ANKRD33B: variants seen among roughly 807,000 people sequenced by gnomAD.
ANKRD33B encodes the protein ankyrin repeat domain 33B.
Under a neutral mutation model 21.5 loss-of-function variants are expected in ANKRD33B, and 6 were observed. That is an observed-to-expected ratio of 0.28 (90% CI 0.15 to 0.55). The LOEUF (loss-of-function observed/expected upper bound fraction) is 0.55, where lower values mean the gene tolerates loss of function less well. ANKRD33B is among the 20% of genes least tolerant of loss of function. The pLI, the probability that ANKRD33B is intolerant of heterozygous loss-of-function variation, is 0.94. For missense variants in ANKRD33B, 698 were observed against 747.2 expected, an observed-to-expected ratio of 0.93 and a Z score of 0.77; for synonymous variants, 347 against 342.4, an observed-to-expected ratio of 1.01 and a Z score of -0.15.
At position 10,564,353 on chromosome 5, in the gene ANKRD33B, C is replaced by A; in HGVS notation, c.-115C>A. The A allele has an allele frequency of 2.7e-6, 2 of 736,656 alleles. No individual in the cohort carries two copies. Among genetic ancestry groups the A allele is most frequent in the Non-Finnish European group, 3.3e-6 (2 of 598,576 alleles). The allele number at this position is 736,656 out of a possible 1,614,324, so 45.6% of individuals were successfully genotyped here. A position where few individuals can be genotyped will look rare whatever the true frequency, so the allele number is the denominator to read the frequency against. Reference sequence around the variant, plus strand: ...CCGGTTTCCGCCGAGCTGGAGCGCGCGGGCCACGGCTTCTCTGGGGACGCA... The same window carrying A: ...CCGGTTTCCGCCGAGCTGGAGCGCGAGGGCCACGGCTTCTCTGGGGACGCA... On this transcript the variant is annotated 5_prime_UTR_variant, in exon 1 of 4. Coordinates refer to ENST00000296657, the MANE Select transcript of ANKRD33B (RefSeq NM_001164440.2).
At chr5:10,643,820 A>C (rs1057145969) in intron 3 of ANKRD33B, among the ~76,000 whole-genome samples, 40 of 36,044 alleles carry the variant, frequency 1.1e-3, no homozygotes, top group Non-Finnish European at 2.6e-3. Context: ...ACTCTGTCTC[A>C]AAAAAAAAAA....
chr5:10,605,951 T>C (rs1335122914), intron 1 of ANKRD33B, among the ~76,000 whole-genome samples: 1 of 152,256 alleles, frequency 6.6e-6, no homozygotes, highest in African/African-American at 2.4e-5. Context: ...AATCAATGGT[T>C]GGAAGAACAT....
At position 10,595,254 on chromosome 5, in the gene ANKRD33B, A is replaced by AT. The variant is rs202222337; in HGVS notation, c.367-23072dup. ...GGTTGTGGTGCTAGATTGGCAGTGG[A>AT]TTTTTTTCTGAAGGCTGCCGTAACA... On this transcript the variant is annotated intron_variant, in intron 1 of 3. Transcript: ENST00000296657. 2.7e-3 allele frequency among the ~76,000 whole-genome samples: 405 copies of AT among 152,000 alleles called. 5 individuals are homozygous for AT. Among genetic ancestry groups the AT allele is most frequent in the Admixed American group, 0.025 (378 of 15,252 alleles).
At chr5:10,635,775 C>T (rs1444925692) in intron 2 of ANKRD33B, among the ~76,000 whole-genome samples, 1 of 152,196 alleles carries the variant, frequency 6.6e-6, no homozygotes, top group African/African-American at 2.4e-5. Flanking sequence ...AACTGGGTTC[C>T]AACCCCGGCA....
intron 1 of ANKRD33B, among the ~76,000 whole-genome samples, chr5:10,565,414 A>G (rs577964275): frequency 6.6e-6 from 1 of 152,170 alleles, no homozygotes; most frequent in South Asian, 2.1e-4. Flanking sequence ...ACCTCCGCTG[A>G]GCTTTGTGGC....
At chr5:10,620,663 C>A (rs939956449) in intron 2 of ANKRD33B, among the ~76,000 whole-genome samples, 1 of 152,150 alleles carries the variant, frequency 6.6e-6, no homozygotes, top group Non-Finnish European at 1.5e-5. Context: ...TTATATTCAC[C>A]CATGATTGTT....
intron 1 of ANKRD33B, among the ~76,000 whole-genome samples, chr5:10,573,819 C>T (rs1409539051): frequency 1.3e-5 from 2 of 152,214 alleles, no homozygotes; most frequent in African/African-American, 2.4e-5. Context: ...CACCAGGCCC[C>T]TCCTCTGACA....
rs942560324 is a variant in ANKRD33B, at chr5:10,650,221, A to G, written c.*108A>G. The G allele has an allele frequency of 3.8e-5, 46 of 1,209,556 alleles. No individual in the cohort carries two copies. The highest frequency in any genetic ancestry group is 4.9e-5 in the Non-Finnish European group (45 of 923,116). 74.9% of individuals were successfully genotyped at this position (1,209,556 alleles called of 1,614,324 possible). A position where few individuals can be genotyped will look rare whatever the true frequency, so the allele number is the denominator to read the frequency against. ...TTGCGCATCGCACCACTTCCGCTCC[A>G]TGGACCACGGGGCTGCGCGCATTTC... On this transcript the variant is annotated 3_prime_UTR_variant, in exon 4 of 4. Coordinates refer to ENST00000296657, the MANE Select transcript of ANKRD33B (RefSeq NM_001164440.2).
chr5:10,610,935 C>T (rs1412032903), intron 1 of ANKRD33B, among the ~76,000 whole-genome samples: 1 of 151,962 alleles, frequency 6.6e-6, no homozygotes, highest in Non-Finnish European at 1.5e-5. Context: ...TCCCAGCTAC[C>T]TGGGAGGCCG....
chr5:10,606,528 G>C (rs1460361943), intron 1 of ANKRD33B, among the ~76,000 whole-genome samples: 1 of 152,116 alleles, frequency 6.6e-6, no homozygotes, highest in African/African-American at 2.4e-5. Context: ...AAGGTCAAGA[G>C]ATCGAGACCA....
rs76822998 is a variant in ANKRD33B, at chr5:10,653,038, T to G, written c.*2925T>G. ...AGCCTGACCTCCCGGGGAGCTTTAT[T>G]GTGGCCTCAGTGGAAAGATTGGATT... On this transcript the variant is annotated 3_prime_UTR_variant, in exon 4 of 4. Transcript: ENST00000296657. 7.6e-3 allele frequency: 1,358 copies of G among 179,638 alleles called. 16 individuals carry two copies. The highest frequency in any genetic ancestry group is 0.03 in the African/African-American group (1,266 of 42,452). The allele number at this position is 179,638 out of a possible 1,614,324, so 11.1% of individuals were successfully genotyped here.
At chr5:10,633,244 G>A (rs1736773340) in intron 2 of ANKRD33B, among the ~76,000 whole-genome samples, 1 of 151,928 alleles carries the variant, frequency 6.6e-6, no homozygotes, top group Admixed American at 6.6e-5. Context: ...TGGGACTACA[G>A]GTGCACGCCA....
chr5:10,616,371 C>G (rs1283288633), intron 1 of ANKRD33B, among the ~76,000 whole-genome samples: 2 of 151,782 alleles, frequency 1.3e-5, no homozygotes, highest in African/African-American at 4.8e-5. Context: ...TCGAGACCAC[C>G]CTGACCAACA....
intron 3 of ANKRD33B, among the ~76,000 whole-genome samples, chr5:10,646,705 C>T (rs1237200808): frequency 6.6e-6 from 1 of 152,236 alleles, no homozygotes; most frequent in African/African-American, 2.4e-5. Flanking sequence ...GACACTTTTA[C>T]TGCCCCCTTT....
In ANKRD33B at chr5:10,650,731, A is replaced by T. The variant is rs80001922; in HGVS notation, c.*618A>T. On this transcript the variant is annotated 3_prime_UTR_variant, in exon 4 of 4. Coordinates refer to ENST00000296657, the MANE Select transcript of ANKRD33B (RefSeq NM_001164440.2). ...AGGCATTGGCTCGTTGAGCCACATG[A>T]TCAAGTGAGACAGAGGATCAGATGT... is the stretch of plus-strand genomic sequence containing the variant. The T allele has an allele frequency of 1.3e-5, 2 of 152,500 alleles. No individual in the cohort carries two copies. Among genetic ancestry groups the T allele is most frequent in the African/African-American group, 4.8e-5 (2 of 41,582 alleles). The allele number at this position is 152,500 out of a possible 1,614,324, so 9.4% of individuals were successfully genotyped here.
At chr5:10,630,364 C>T (rs559934239) in intron 2 of ANKRD33B, among the ~76,000 whole-genome samples, 13 of 152,324 alleles carry the variant, frequency 8.5e-5, no homozygotes, top group Non-Finnish European at 1.5e-4. Flanking sequence ...ACAGCTGAGG[C>T]ACAAACATGC....
chr5:10,579,337 A>G (rs1735390947), intron 1 of ANKRD33B, among the ~76,000 whole-genome samples: 1 of 149,742 alleles, frequency 6.7e-6, no homozygotes, highest in African/African-American at 2.4e-5. Context: ...ACATCCAAGA[A>G]GCCTGCTAAG....
chr5:10,591,059 G>A (rs537888078), intron 1 of ANKRD33B, among the ~76,000 whole-genome samples: 27 of 152,098 alleles, frequency 1.8e-4, no homozygotes, highest in East Asian at 9.7e-4. Flanking sequence ...TCTTTACACT[G>A]TTTTGCTGAG....
intron 1 of ANKRD33B, among the ~76,000 whole-genome samples, chr5:10,606,724 CTCTG>C (rs1383170474): frequency 2.7e-5 from 4 of 150,560 alleles, no homozygotes; most frequent in South Asian, 2.1e-4. Flanking sequence ...CAGAGCAAGA[CTCTG>C]TCTTTTTTTT....
Sources: allele counts gnomAD v4.1 joint callset (sites outside exome capture counted in the v4.1 genomes callset), GRCh38; gene constraint gnomAD v4.1.1; transcripts MANE v1.5; gene names NCBI Gene and HGNC (gene_info 2026-07-23, HGNC 2026-07-21).